Variants in HMCN1 observed in about 807,000 individuals in gnomAD.
HMCN1 encodes the protein hemicentin-1.
A neutral mutation model predicts 625.9 loss-of-function variants in HMCN1; 321 were observed. The observed-to-expected ratio is 0.51, with a 90% CI of 0.47 to 0.56. The LOEUF is 0.56. Among genes scored for constraint, HMCN1 ranks in the 20% least tolerant of loss-of-function variants. HMCN1 has a pLI of 0.00. For missense variants in HMCN1, 6,588 were observed against 6,887.3 expected (o/e 0.96, Z 1.54); for synonymous variants, 2,425 against 2,417.6 (o/e 1.00, Z -0.09).
chr1:186,055,575 C>T lies in HMCN1; in HGVS notation c.7045C>T (p.Gln2349Ter). 6.2e-7 allele frequency: 1 copy of T among 1,612,816 alleles called. No individual in the cohort carries two copies. Among genetic ancestry groups the T allele is most frequent in the Non-Finnish European group, 8.5e-7 (1 of 1,179,200 alleles). Residue 2349 changes from glutamine to a stop codon, truncating the protein, a stop_gained, in exon 45 of 107, where the codon CAG becomes TAG. Coordinates refer to ENST00000271588, the MANE Select transcript of HMCN1 (RefSeq NM_031935.3). LOFTEE classifies it high-confidence loss of function. ...VEILDEGHIL[Q>*]LKNIHVSDTG... is the part of the protein sequence containing the mutation. ...AATACTGGATGAAGGTCACATCCTT[C>T]AGCTGAAGAACATTCATGTATCTGA... is the stretch of plus-strand genomic sequence containing the variant.
At chr1:185,995,671 G>A (rs1228352540) in intron 24 of HMCN1, among the ~76,000 whole-genome samples, 3 of 152,048 alleles carry the variant, frequency 2.0e-5, no homozygotes, top group East Asian at 1.9e-4. Flanking sequence ...CAAGAAATAC[G>A]ATTGTGAAAA....
intron 4 of HMCN1, among the ~76,000 whole-genome samples, chr1:185,868,710 A>G (rs1441313496): frequency 6.6e-6 from 1 of 152,240 alleles, no homozygotes; most frequent in Non-Finnish European, 1.5e-5. Context: ...GCACTAATAC[A>G]GCATGATATT....
rs1382248353 is a variant in HMCN1, at chr1:185,948,672, C to A, written c.1829-13846C>A. On this transcript the variant is annotated intron_variant, in intron 11 of 106. Coordinates refer to ENST00000271588, the MANE Select transcript of HMCN1 (RefSeq NM_031935.3). ...CTTCAGTTACTTCAGGCCATCTGGG[C>A]ATATATGTGCAAGTCACAGGGGATG... 1.1e-4 allele frequency among the ~76,000 whole-genome samples: 17 copies of A among 151,678 alleles called. No individual in the cohort carries two copies. In the South Asian group the frequency reaches 2.9e-3, roughly 26 times the overall value.
chr1:185,754,487 G>A (rs1302337951), intron 1 of HMCN1, among the ~76,000 whole-genome samples: 1 of 151,812 alleles, frequency 6.6e-6, no homozygotes, highest in Non-Finnish European at 1.5e-5. Flanking sequence ...GACTTCTTTG[G>A]CCAACCAGTT....
At chr1:185,750,216 G>C (rs192699129) in intron 1 of HMCN1, among the ~76,000 whole-genome samples, 34 of 152,154 alleles carry the variant, frequency 2.2e-4, no homozygotes, top group Admixed American at 1.0e-3. Context: ...CATATAGAAG[G>C]CACTCAATAA....
rs1653605188 is a variant in HMCN1 at position 186,189,808 on chromosome 1, G to T, written c.16838G>T (p.Ser5613Ile). Residue 5613 changes from serine to isoleucine, a missense_variant, in exon 107 of 107, where the codon AGT becomes ATT. Transcript: ENST00000271588. ...YRMRVRASSY[S>I]ANGTIEYQTT... ...ATGAGGGTCCGAGCCTCATCCTACA[G>T]TGCCAATGGGACCATTGAATATCAG... is the stretch of plus-strand genomic sequence containing the variant. 14 of 1,613,796 alleles carry T rather than the reference G, an allele frequency of 8.7e-6. No individual in the cohort carries two copies. The highest frequency in any genetic ancestry group is 1.1e-5 in the Non-Finnish European group (13 of 1,179,854).
intron 48 of HMCN1, among the ~76,000 whole-genome samples, chr1:186,064,327 G>A (rs1418398503): frequency 6.6e-6 from 1 of 151,286 alleles, no homozygotes; most frequent in African/African-American, 2.4e-5. Flanking sequence ...TAAAAATACA[G>A]GATCTCTTCC....
In HMCN1 at chr1:186,136,949, C is replaced by T. The variant is rs752273415; in HGVS notation, c.13582+12C>T. On this transcript the variant is annotated intron_variant, in intron 87 of 106. Transcript: ENST00000271588. ...AGTCATAGTCCAGGGTGAGTGTGAT[C>T]AGAGGAATATTCATAGTAAACAGTA... 1 of 1,612,204 alleles carries T rather than the reference C, an allele frequency of 6.2e-7. No homozygotes were observed. The highest frequency in any genetic ancestry group is 2.2e-5 in the East Asian group (1 of 44,876).
chr1:185,818,608 C>G (rs183209189), intron 1 of HMCN1, among the ~76,000 whole-genome samples: 95 of 151,894 alleles, frequency 6.3e-4, no homozygotes, highest in African/African-American at 1.8e-3. Context: ...TTTTATTAAC[C>G]CTGAGATTTT....
intron 1 of HMCN1, among the ~76,000 whole-genome samples, chr1:185,810,166 A>G (rs553792970): frequency 1.3e-5 from 2 of 152,234 alleles, no homozygotes; most frequent in East Asian, 3.9e-4. Flanking sequence ...CGAGGAGGAG[A>G]CATATTCTGC....
intron 10 of HMCN1, among the ~76,000 whole-genome samples, chr1:185,932,779 A>G (rs1230957800): frequency 6.6e-6 from 1 of 152,104 alleles, no homozygotes; most frequent in Non-Finnish European, 1.5e-5. Flanking sequence ...GCAAACCACC[A>G]TGGCACACGT....
intron 22 of HMCN1, among the ~76,000 whole-genome samples, chr1:185,991,190 C>A (rs780386961): frequency 1.3e-5 from 2 of 152,064 alleles, no homozygotes; most frequent in African/African-American, 4.8e-5. Context: ...AGTCACTAGA[C>A]TATAATTAAC....
intron 52 of HMCN1, among the ~76,000 whole-genome samples, chr1:186,073,129 G>A (rs1658575429): frequency 6.6e-6 from 1 of 152,160 alleles, no homozygotes; most frequent in Admixed American, 6.6e-5. Context: ...TAAGGATTAA[G>A]CCTCAGGGTA....
intron 64 of HMCN1, among the ~76,000 whole-genome samples, chr1:186,091,307 C>G (rs1659830425): frequency 6.6e-6 from 1 of 151,996 alleles, no homozygotes; most frequent in South Asian, 2.1e-4. Context: ...ACAAATGATT[C>G]ATCAATAATT....
chr1:186,030,307 GT>G (rs1655337925), intron 36 of HMCN1, among the ~76,000 whole-genome samples: 2 of 151,986 alleles, frequency 1.3e-5, no homozygotes, highest in African/African-American at 4.8e-5. Flanking sequence ...AACTTTTATA[GT>G]TTTATTGTCT....
At chr1:185,984,367 C>T in intron 19 of HMCN1, 54 bp downstream of exon 19, 1 of 1,539,250 alleles carries the variant, frequency 6.5e-7, no homozygotes, top group Non-Finnish European at 9.0e-7. Flanking sequence ...AGTAGTTGTT[C>T]TTATATTTTA....
At chr1:185,752,511 T>A (rs1272790297) in intron 1 of HMCN1, among the ~76,000 whole-genome samples, 1 of 152,196 alleles carries the variant, frequency 6.6e-6, no homozygotes, top group African/African-American at 2.4e-5. Context: ...CCATCCTAAC[T>A]ATTTCTTTAA....
chr1:185,917,860 G>A (rs1025442294), intron 6 of HMCN1, among the ~76,000 whole-genome samples: 2 of 152,088 alleles, frequency 1.3e-5, no homozygotes, highest in African/African-American at 2.4e-5. Context: ...AGCTCTCCAT[G>A]GTGCTTGTTC....
chr1:186,090,493 T>G (rs1020516656), intron 63 of HMCN1, among the ~76,000 whole-genome samples: 4 of 151,988 alleles, frequency 2.6e-5, no homozygotes, highest in Admixed American at 1.3e-4. Flanking sequence ...TAATTTAATT[T>G]GGCCAGAAAG....
Sources: allele counts gnomAD v4.1 joint callset (sites outside exome capture counted in the v4.1 genomes callset), GRCh38; gene constraint gnomAD v4.1.1; transcripts MANE v1.5; gene names NCBI Gene and HGNC (gene_info 2026-07-23, HGNC 2026-07-21).